KCNQ1: variants seen among roughly 807,000 people sequenced by gnomAD.
KCNQ1 encodes potassium voltage-gated channel subfamily KQT member 1.
Under a neutral mutation model 72.4 loss-of-function variants are expected in KCNQ1, and 49 were observed. That is an observed-to-expected ratio of 0.68 (90% confidence interval 0.54 to 0.86). KCNQ1 has a LOEUF of 0.86. Among genes scored for constraint, KCNQ1 ranks in the 40% least tolerant of loss-of-function variants. The pLI is 0.00. For synonymous variants in KCNQ1, 450 were observed against 412.6 expected (o/e 1.09, Z -1.10); for missense variants, 790 against 945.1 (o/e 0.84, Z 2.15).
At chr11:2,584,900 A>G (rs972936475) in intron 7 of KCNQ1, among the ~76,000 whole-genome samples, 1 of 152,130 alleles carries the variant, frequency 6.6e-6, no homozygotes, top group Non-Finnish European at 1.5e-5. Context: ...AGTGCCCAGT[A>G]TGACCCCTTC....
At chr11:2,517,637 C>T (rs909642428) in intron 1 of KCNQ1, among the ~76,000 whole-genome samples, 1 of 152,194 alleles carries the variant, frequency 6.6e-6, no homozygotes, top group Non-Finnish European at 1.5e-5. Flanking sequence ...CCACCTCCTG[C>T]ACCTGTCCTG....
At chr11:2,834,449 C>A (rs545810187) in intron 15 of KCNQ1, among the ~76,000 whole-genome samples, 10 of 152,310 alleles carry the variant, frequency 6.6e-5, no homozygotes, top group African/African-American at 2.4e-4. Flanking sequence ...GCCCTCAAGG[C>A]CTCCAGGCAC....
chr11:2,451,451 C>T lies in KCNQ1; in HGVS notation c.386+5967C>T, dbSNP rs561112563. ...GGCCACGGACCCGGGGTTGGAGAAC[C>T]CTGTCTTAGAGGATTGAGGCTCGGG... On this transcript the variant is annotated intron_variant, in intron 1 of 15. Transcript: ENST00000155840. This position sits in a 1 kb window ranked among gnomAD's most constrained non-coding sequence, Gnocchi z 6.4. Among the ~76,000 whole-genome samples, 2 of 152,268 alleles carry T rather than the reference C, an allele frequency of 1.3e-5. No individual in the cohort carries two copies. The highest frequency in any genetic ancestry group is 3.9e-4 in the East Asian group (2 of 5,166).
chr11:2,507,461 G>A lies in KCNQ1; in HGVS notation c.387-20467G>A, dbSNP rs531236464. 1.6e-4 allele frequency among the ~76,000 whole-genome samples: 25 copies of A among 152,282 alleles called. No individual in the cohort carries two copies. The highest frequency in any genetic ancestry group is 2.6e-4 in the Non-Finnish European group (18 of 68,038). On this transcript the variant is annotated intron_variant, in intron 1 of 15. Transcript: ENST00000155840. This position sits in a 1 kb window ranked among gnomAD's most constrained non-coding sequence, Gnocchi z 5.4. Reference sequence around the variant, plus strand: ...AGGGTGAGAAGTCAGGACCACTGCTGTAGAAAACAGGGTTTGCAGGTAGAT... The same window carrying A: ...AGGGTGAGAAGTCAGGACCACTGCTATAGAAAACAGGGTTTGCAGGTAGAT...
At chr11:2,514,698 C>A (rs559669366) in intron 1 of KCNQ1, among the ~76,000 whole-genome samples, 1 of 152,160 alleles carries the variant, frequency 6.6e-6, no homozygotes, top group Non-Finnish European at 1.5e-5. Flanking sequence ...TGGTGGCGGG[C>A]GCCTGTAGTC....
Position 2,587,755 on chromosome 11 carries a change from G to A in KCNQ1, c.1251+63G>A, listed in dbSNP as rs1259902631. 9 of 1,608,432 alleles carry A rather than the reference G, an allele frequency of 5.6e-6. No homozygotes were observed. In the East Asian group the frequency reaches 1.6e-4, roughly 28 times the overall value. ...GCTAGCAGGTGGGGAGGCCGTGGGG[G>A]CCGCAGCACGAGGCTGGGATCTCAC... On this transcript the variant is annotated intron_variant, in intron 9 of 15. Transcript: ENST00000155840.
intron 11 of KCNQ1, among the ~76,000 whole-genome samples, chr11:2,727,355 C>T (rs191078083): frequency 5.1e-4 from 77 of 152,304 alleles, no homozygotes; most frequent in Non-Finnish European, 8.7e-4. Flanking sequence ...GGGACAATCA[C>T]GGTAGCTACG....
In KCNQ1 at chr11:2,462,539, C is replaced by T. The variant is rs1440397144; in HGVS notation, c.386+17055C>T. ...TGTCATGATCCCACCATGTGCCCCC[C>T]GTGAGGCCCCCACCTGTTACTGAGT... On this transcript the variant is annotated intron_variant, in intron 1 of 15. Transcript: ENST00000155840. This position sits in a 1 kb window ranked among gnomAD's most constrained non-coding sequence, Gnocchi z 8.2. 4.6e-5 allele frequency among the ~76,000 whole-genome samples: 7 copies of T among 152,358 alleles called. No homozygotes were observed. The East Asian group carries it at 9.6e-4, about 21-fold the overall frequency.
chr11:2,752,512 T>A lies in KCNQ1; in HGVS notation c.1515-16332T>A, dbSNP rs1412005422. Among the ~76,000 whole-genome samples, 1 of 152,110 alleles carries A rather than the reference T, an allele frequency of 6.6e-6. No homozygotes were observed. Among genetic ancestry groups the A allele is most frequent in the Non-Finnish European group, 1.5e-5 (1 of 68,028 alleles). ...CTTAGGAATTCATTGTTCTGGAGAC[T>A]GGGAAGCACAGGGTCAGGGCGCCAG... is the stretch of plus-strand genomic sequence containing the variant. On this transcript the variant is annotated intron_variant, in intron 11 of 15. Coordinates refer to ENST00000155840, the MANE Select transcript of KCNQ1 (RefSeq NM_000218.3). The surrounding 1 kb of genome is among the most constrained non-coding windows in gnomAD (Gnocchi z 5.2).
intron 11 of KCNQ1, chr11:2,672,373 ATATGATTGAGCTCAGGCTGG>A (rs143094382): frequency 0.067 from 26,876 of 398,448 alleles, 1,000 homozygotes; most frequent in South Asian, 0.092. Context: ...TCACAGGCTG[ATATGATTGAGCTCAGGCTGG>A]TATGGGTTAG....
Position 2,786,357 on chromosome 11 carries a change from T to C in KCNQ1, c.1794+8320T>C, listed in dbSNP as rs563814667. On this transcript the variant is annotated intron_variant, in intron 15 of 15. Transcript: ENST00000155840. ...AATCTGTCTTTTTTCTCTGGCTGCC[T>C]TTAAGATCTTTCCTTTGACTCTAGT... 2.0e-5 allele frequency among the ~76,000 whole-genome samples: 3 copies of C among 152,312 alleles called. No individual in the cohort carries two copies. The South Asian group carries it at 6.2e-4, about 32-fold the overall frequency.
chr11:2,831,367 CAG>C (rs1308391740), intron 15 of KCNQ1, among the ~76,000 whole-genome samples: 1 of 152,102 alleles, frequency 6.6e-6, no homozygotes, highest in Non-Finnish European at 1.5e-5. Flanking sequence ...AACCCATGAA[CAG>C]GGGAGAGAAG....
rs1029619657 is a variant in KCNQ1, at chr11:2,475,712, T to C, written c.386+30228T>C. Among the ~76,000 whole-genome samples, 1 of 152,056 alleles carries C rather than the reference T, an allele frequency of 6.6e-6. No homozygotes were observed. Among genetic ancestry groups the C allele is most frequent in the Non-Finnish European group, 1.5e-5 (1 of 67,996 alleles). Reference sequence around the variant, plus strand: ...TCCCTGTGTTGTGGGAGGGACCTGGTGGGGGGTAATTGAATCACGGGGACG... The same window carrying C: ...TCCCTGTGTTGTGGGAGGGACCTGGCGGGGGGTAATTGAATCACGGGGACG... On this transcript the variant is annotated intron_variant, in intron 1 of 15. Coordinates refer to ENST00000155840, the MANE Select transcript of KCNQ1 (RefSeq NM_000218.3). The surrounding 1 kb of genome is among the most constrained non-coding windows in gnomAD (Gnocchi z 5.8).
At chr11:2,460,698 G>A (rs1472204890) in intron 1 of KCNQ1, among the ~76,000 whole-genome samples, 1 of 152,246 alleles carries the variant, frequency 6.6e-6, no homozygotes, top group Non-Finnish European at 1.5e-5. Context: ...CTCCGCTCTT[G>A]TGGGGCAGTG....
At chr11:2,648,975 C>CTTTT (rs1849710100) in intron 10 of KCNQ1, 1 of 336,652 alleles carries the variant, frequency 3.0e-6, no homozygotes, top group African/African-American at 3.2e-5. Flanking sequence ...TCTCTTTTTT[C>CTTTT]TTTTTCTTTT....
rs1032125574 is a variant in KCNQ1 at position 2,492,381 on chromosome 11, C to T, written c.387-35547C>T. ...TTGTTTTACTTTAAGTTCTGGAATA[C>T]GTGTGCTGAACGTGCAGGTTTGTTA... On this transcript the variant is annotated intron_variant, in intron 1 of 15. Coordinates refer to ENST00000155840, the MANE Select transcript of KCNQ1 (RefSeq NM_000218.3). This position sits in a 1 kb window ranked among gnomAD's most constrained non-coding sequence, Gnocchi z 4.1. Among the ~76,000 whole-genome samples, 1 of 152,158 alleles carries T rather than the reference C, an allele frequency of 6.6e-6. No individual in the cohort carries two copies. Among genetic ancestry groups the T allele is most frequent in the Non-Finnish European group, 1.5e-5 (1 of 68,030 alleles).
chr11:2,791,733 G>C (rs999960823), intron 15 of KCNQ1, among the ~76,000 whole-genome samples: 17 of 152,100 alleles, frequency 1.1e-4, no homozygotes, highest in African/African-American at 3.4e-4. Flanking sequence ...CCGGGCTCGG[G>C]TTCTGGCCCC....
At chr11:2,667,942 G>C in intron 11 of KCNQ1, 1 of 398,682 alleles carries the variant, frequency 2.5e-6, no homozygotes, top group Non-Finnish European at 4.4e-6. Flanking sequence ...CCCGGAGGAA[G>C]CAACAGAACC....
In KCNQ1 at chr11:2,654,865, G is replaced by A. The variant is rs1849815701; in HGVS notation, c.1394-7096G>A. 1.8e-5 allele frequency: 7 copies of A among 398,534 alleles called. No homozygotes were observed. Among genetic ancestry groups the A allele is most frequent in the East Asian group, 3.6e-5 (1 of 28,084 alleles). 24.7% of individuals were successfully genotyped at this position (398,534 alleles called of 1,614,324 possible). A position where few individuals can be genotyped will look rare whatever the true frequency, so the allele number is the denominator to read the frequency against. Reference sequence around the variant, plus strand: ...CATGGGCAGCTCCAGGCCAGGTGGAGGGACATATTCTGGCAACTCTAGGAT... The same window carrying A: ...CATGGGCAGCTCCAGGCCAGGTGGAAGGACATATTCTGGCAACTCTAGGAT... On this transcript the variant is annotated intron_variant, in intron 10 of 15. Transcript: ENST00000155840. This position sits in a 1 kb window ranked among gnomAD's most constrained non-coding sequence, Gnocchi z 6.4.
Sources: allele counts gnomAD v4.1 joint callset (sites outside exome capture counted in the v4.1 genomes callset), GRCh38; gene constraint gnomAD v4.1.1; non-coding constraint Gnocchi (gnomAD v3.1); transcripts MANE v1.5; gene names NCBI Gene and HGNC (gene_info 2026-07-23, HGNC 2026-07-21).